Variants in ZSCAN32 observed in about 807,000 individuals in gnomAD.
The protein encoded by ZSCAN32 is zinc finger and SCAN domain-containing protein 32.
Under a neutral mutation model 47.4 loss-of-function variants are expected in ZSCAN32, and 52 were observed. The observed-to-expected ratio is 1.10, with a 90% CI of 0.88 to 1.38. The LOEUF (loss-of-function observed/expected upper bound fraction) is 1.38. ZSCAN32 is among the 40% of genes most tolerant of loss of function. The pLI, the probability that ZSCAN32 is intolerant of heterozygous loss-of-function variation, is 0.00. For missense variants in ZSCAN32, 959 were observed against 846.0 expected (o/e 1.13, Z -1.66); for synonymous variants, 346 against 305.7 (o/e 1.13, Z -1.38).
intron 5 of ZSCAN32, among the ~76,000 whole-genome samples, chr16:3,386,431 C>T (rs1246947642): frequency 6.6e-6 from 1 of 152,136 alleles, no homozygotes; most frequent in Non-Finnish European, 1.5e-5. Flanking sequence ...CCCAGCAATC[C>T]CATTACTAGG....
At position 3,397,377 on chromosome 16, in the gene ZSCAN32, G is replaced by T; in HGVS notation, c.181C>A (p.Leu61Ile). ...TTCGGCCTCAGCCACTGACAACAGAGTTCCCAGAGTTTGCTAAAAGCTTCA... is the reference window on the plus strand; with the variant it reads ...TTCGGCCTCAGCCACTGACAACAGATTTCCCAGAGTTTGCTAAAAGCTTCA... ...PHEAFSKLWE[L>I]CCQWLRPKTH... The change falls in exon 2 of 7, where the codon CTC (leucine) becomes ATC (isoleucine). Residue 61 changes from leucine (L) to isoleucine (I), a missense_variant. Coordinates refer to ENST00000396852, the MANE Select transcript of ZSCAN32 (RefSeq NM_001284527.2). 6.4e-7 allele frequency: 1 copy of T among 1,555,364 alleles called. No individual in the cohort carries two copies. The highest frequency in any genetic ancestry group is 8.7e-7 in the Non-Finnish European group (1 of 1,149,706).
rs146673912 is a variant in ZSCAN32 at position 3,383,847 on chromosome 16, T to C, written c.1235-136A>G. The stretch of plus-strand genomic sequence containing the variant: ...TGTGATTAAGTCTCCTGCTAATTAA[T>C]AGCTTTTTATTTTCTCATTGTAATA... On this transcript the variant is annotated intron_variant, in intron 6 of 6. Coordinates refer to ENST00000396852, the MANE Select transcript of ZSCAN32 (RefSeq NM_001284527.2). 4.3e-4 allele frequency: 416 copies of C among 960,882 alleles called. 3 individuals carry two copies. The African/African-American group carries it at 5.6e-3, about 13-fold the overall frequency. The allele number at this position is 960,882 out of a possible 1,614,324, so 59.5% of individuals were successfully genotyped here.
At chr16:3,389,752 C>G (rs2032446851) in intron 5 of ZSCAN32, among the ~76,000 whole-genome samples, 1 of 152,224 alleles carries the variant, frequency 6.6e-6, no homozygotes, top group Admixed American at 6.5e-5. Flanking sequence ...TGTTCTGACT[C>G]TGTCTCACTA....
chr16:3,392,488 C>G (rs2032830781), intron 3 of ZSCAN32, among the ~76,000 whole-genome samples: 1 of 151,462 alleles, frequency 6.6e-6, no homozygotes, highest in Non-Finnish European at 1.5e-5. Context: ...GCTGAGGTTA[C>G]AGGCATAAGC....
At chr16:3,397,831 A>AATGATT in intron 1 of ZSCAN32, 87 bp from the exon 2 acceptor site, 1 of 260,536 alleles carries the variant, frequency 3.8e-6, no homozygotes, top group South Asian at 9.1e-5. Context: ...CCTTTCCTTT[A>AATGATT]CTCCCTCCAC....
At position 3,382,561 on chromosome 16, in the gene ZSCAN32, C is replaced by G. The variant is rs2031343925; in HGVS notation, c.*291G>C. The G allele has an allele frequency of 3.8e-6, 1 of 265,392 alleles. No homozygotes were observed. The highest frequency in any genetic ancestry group is 2.2e-5 in the African/African-American group (1 of 45,278). The allele number at this position is 265,392 out of a possible 1,614,324, so 16.4% of individuals were successfully genotyped here. The stretch of plus-strand genomic sequence containing the variant: ...AAAGTGTTCTTGGACCACTGGGTGC[C>G]CATTCTCAGTGCTAGGAACAGGAAG... On this transcript the variant is annotated 3_prime_UTR_variant, in exon 7 of 7. Transcript: ENST00000396852.
intron 6 of ZSCAN32, chr16:3,384,165 G>A: frequency 1.8e-6 from 1 of 546,590 alleles, no homozygotes. Context: ...TAGAGAAAAA[G>A]GGAGAAGATG....
rs150133399 is a variant in ZSCAN32, at chr16:3,391,070, T to C, written c.533-553A>G. On this transcript the variant is annotated intron_variant, in intron 3 of 6. Transcript: ENST00000396852. ...ACATCGCTTAAAAATACAGGAAAAT[T>C]AAAAAAATTGTACAAATAAAATGAA... Among the ~76,000 whole-genome samples, 3 of 152,120 alleles carry C rather than the reference T, an allele frequency of 2.0e-5. No homozygotes were observed. In the East Asian group the frequency reaches 5.8e-4, roughly 29 times the overall value.
chr16:3,390,534 C>G lies in ZSCAN32; in HGVS notation c.533-17G>C. On this transcript the variant is annotated splice_polypyrimidine_tract_variant and intron_variant, in intron 3 of 6. Coordinates refer to ENST00000396852, the MANE Select transcript of ZSCAN32 (RefSeq NM_001284527.2). ...CAAGCCAGGCTGGGGGAAAAAACAG[C>G]CGCTATTAGAGGGCGGCTTCCACAC... The G allele has an allele frequency of 6.5e-7, 1 of 1,545,758 alleles. No individual in the cohort carries two copies. The highest frequency in any genetic ancestry group is 8.7e-7 in the Non-Finnish European group (1 of 1,144,622).
At chr16:3,393,220 A>AAATATATATT (rs2032985414) in intron 3 of ZSCAN32, among the ~76,000 whole-genome samples, 1 of 25,442 alleles carries the variant, frequency 3.9e-5, no homozygotes, top group African/African-American at 3.6e-4. Flanking sequence ...ATATATATAT[A>AAATATATATT]TATATATAAA....
Position 3,393,767 on chromosome 16 carries a change from G to C in ZSCAN32, c.414C>G (p.Ala138=). The change falls in exon 3 of 7, where the codon GCC becomes GCG. Residue 138 remains alanine (A), a synonymous_variant. Coordinates refer to ENST00000396852, the MANE Select transcript of ZSCAN32 (RefSeq NM_001284527.2). ...GTGATTCTCTGGTTGCTCCCAAAGG[G>C]GCCATCTCCTTCATGAGTACTTTCA... ...KDLKVLMKEM[A]PLGATRESLR... 1 of 1,550,030 alleles carries C rather than the reference G, an allele frequency of 6.5e-7. No homozygotes were observed. The highest frequency in any genetic ancestry group is 8.7e-7 in the Non-Finnish European group (1 of 1,146,746).
At chr16:3,389,859 TC>T (rs2032461516) in intron 5 of ZSCAN32, 150 bp downstream of exon 5, 1 of 743,186 alleles carries the variant, frequency 1.3e-6, no homozygotes, top group African/African-American at 1.8e-5. Context: ...CCTGTGTCTC[TC>T]TGGCCTGCTC....
chr16:3,396,571 T>A (rs2033386197), intron 2 of ZSCAN32, among the ~76,000 whole-genome samples: 1 of 152,192 alleles, frequency 6.6e-6, no homozygotes, highest in Admixed American at 6.5e-5. Context: ...CAATTTCAGT[T>A]GCCTTCCTCC....
chr16:3,390,064 G>T lies in ZSCAN32; in HGVS notation c.697C>A (p.Gln233Lys), dbSNP rs1333990750. ...QQEWMCPGPA[Q>K]RALYRGATQR... Reference sequence around the variant, plus strand: ...GTGGCACCCCTGTAGAGGGCCCTTTGTGCAGGGCCTGGGCACATCCATTCT... The same window carrying T: ...GTGGCACCCCTGTAGAGGGCCCTTTTTGCAGGGCCTGGGCACATCCATTCT... Residue 233 changes from glutamine (Q) to lysine (K), a missense_variant, in exon 5 of 7, where the codon CAA (glutamine) becomes AAA (lysine). Transcript: ENST00000396852. 3.1e-6 allele frequency: 5 copies of T among 1,613,988 alleles called. No homozygotes were observed. In the South Asian group the frequency reaches 4.4e-5, roughly 14 times the overall value.
At chr16:3,391,058 A>G (rs1795912643) in intron 3 of ZSCAN32, among the ~76,000 whole-genome samples, 1 of 152,222 alleles carries the variant, frequency 6.6e-6, no homozygotes, top group Non-Finnish European at 1.5e-5. Flanking sequence ...TCGCTTAAAA[A>G]TACAGGAAAA....
chr16:3,397,829 T>TAATCA, intron 1 of ZSCAN32, 85 bp from the exon 2 acceptor site: 1 of 281,520 alleles, frequency 3.6e-6, no homozygotes, highest in Non-Finnish European at 6.5e-6. Context: ...TCCCTTTCCT[T>TAATCA]TACTCCCTCC....
chr16:3,393,618 G>A (rs1402321185), intron 3 of ZSCAN32, 31 bp downstream of exon 3: 1 of 1,500,692 alleles, frequency 6.7e-7, no homozygotes, highest in African/African-American at 1.4e-5. Flanking sequence ...TTCCTCACCT[G>A]CCTCAGGTGA....
chr16:3,393,588 T>C lies in ZSCAN32; in HGVS notation c.532+61A>G, dbSNP rs1000860821. 4 of 1,447,610 alleles carry C rather than the reference T, an allele frequency of 2.8e-6. No homozygotes were observed. The South Asian group carries it at 4.2e-5, about 15-fold the overall frequency. The allele number at this position is 1,447,610 out of a possible 1,614,324, so 89.7% of individuals were successfully genotyped here. On this transcript the variant is annotated intron_variant, in intron 3 of 6. Transcript: ENST00000396852. ...CCTTGGGTGGACTCAGTTCAGACCT[T>C]TGTTTCCAGTAAATGATTGTTCCTC... is the stretch of plus-strand genomic sequence containing the variant.
chr16:3,399,420 A>G (rs946739570), intron 1 of ZSCAN32, among the ~76,000 whole-genome samples: 1 of 152,182 alleles, frequency 6.6e-6, no homozygotes, highest in Non-Finnish European at 1.5e-5. Context: ...GTCTCCAACT[A>G]TGTCCCACTC....
Sources: allele counts gnomAD v4.1 joint callset (sites outside exome capture counted in the v4.1 genomes callset), GRCh38; gene constraint gnomAD v4.1.1; transcripts MANE v1.5; gene names NCBI Gene and HGNC (gene_info 2026-07-23, HGNC 2026-07-21).